SLC25A13: variants seen among roughly 807,000 people sequenced by gnomAD.
SLC25A13 encodes the protein solute carrier family 25 member 13.
In SLC25A13, 70 loss-of-function variants were observed where a neutral mutation model predicts 85.5. The ratio of observed to expected loss-of-function variants is 0.82; its 90% CI spans 0.68 to 1.00. The LOEUF (loss-of-function observed/expected upper bound fraction) is 1.00. SLC25A13 is among the 50% of genes least tolerant of loss of function. The probability of loss-of-function intolerance (pLI) is 0.00; values close to 1 mark genes in which losing one functional copy is unlikely to be tolerated. For missense variants in SLC25A13, 765 were observed against 819.8 expected (o/e 0.93, Z 0.82); for synonymous variants, 259 against 288.7 (o/e 0.90, Z 1.04).
At chr7:96,194,299 A>G (rs986874484) in intron 5 of SLC25A13, among the ~76,000 whole-genome samples, 1 of 150,504 alleles carries the variant, frequency 6.6e-6, no homozygotes, top group Admixed American at 6.6e-5. Context: ...GAAATTTGCC[A>G]GGCATGGAGG....
Position 96,146,704 on chromosome 7 carries a change from G to T in SLC25A13, c.1312-8C>A. The T allele has an allele frequency of 6.2e-7, 1 of 1,613,862 alleles. No individual in the cohort carries two copies. Among genetic ancestry groups the T allele is most frequent in the Non-Finnish European group, 8.5e-7 (1 of 1,179,898 alleles). ...CACCTGGGAGCCTCCAGCCTAAAAA[G>T]AACAAAAAAGATTTAGGATCAAAGC... On this transcript the variant is annotated splice_polypyrimidine_tract_variant and splice_region_variant and intron_variant, in intron 13 of 17. Coordinates refer to ENST00000265631, the MANE Select transcript of SLC25A13 (RefSeq NM_014251.3).
intron 3 of SLC25A13, among the ~76,000 whole-genome samples, chr7:96,267,213 C>A (rs1190292045): frequency 6.6e-6 from 1 of 152,160 alleles, no homozygotes; most frequent in Non-Finnish European, 1.5e-5. Flanking sequence ...TAACTCCCAG[C>A]ATGTGGCCAA....
chr7:96,317,859 T>C (rs1800190602), intron 1 of SLC25A13, among the ~76,000 whole-genome samples: 1 of 150,888 alleles, frequency 6.6e-6, no homozygotes, highest in Non-Finnish European at 1.5e-5. Context: ...TGGAGTACAG[T>C]GGTGCTATCT....
chr7:96,313,800 A>G (rs907759374), intron 1 of SLC25A13, among the ~76,000 whole-genome samples: 2 of 151,932 alleles, frequency 1.3e-5, no homozygotes, highest in Middle Eastern at 3.2e-3. Context: ...CATTTAAAAA[A>G]AAAGAAAGTA....
intron 5 of SLC25A13, among the ~76,000 whole-genome samples, chr7:96,204,361 G>C (rs375061182): frequency 6.6e-6 from 1 of 151,978 alleles, no homozygotes; most frequent in Non-Finnish European, 1.5e-5. Context: ...AAGTGCCTAC[G>C]ACAGTCACCC....
chr7:96,226,217 T>G (rs1796323421), intron 4 of SLC25A13, among the ~76,000 whole-genome samples: 1 of 152,174 alleles, frequency 6.6e-6, no homozygotes, highest in Non-Finnish European at 1.5e-5. Context: ...CACCACTCTT[T>G]GATTCTATGA....
Position 96,131,886 on chromosome 7 carries a change from A to G in SLC25A13, c.1453-5T>C, listed in dbSNP as rs1339556280. On this transcript the variant is annotated splice_polypyrimidine_tract_variant and splice_region_variant and intron_variant, in intron 14 of 17. Coordinates refer to ENST00000265631, the MANE Select transcript of SLC25A13 (RefSeq NM_014251.3). ...CAGAAAGCATGCTTTGGCACCCTGCACATTTGCAAAGGAAGAAAAACCACA... is the reference window on the plus strand; with the variant it reads ...CAGAAAGCATGCTTTGGCACCCTGCGCATTTGCAAAGGAAGAAAAACCACA... The G allele has an allele frequency of 4.3e-6, 7 of 1,613,902 alleles. No homozygotes were observed. Among genetic ancestry groups the G allele is most frequent in the Non-Finnish European group, 5.1e-6 (6 of 1,179,930 alleles).
chr7:96,139,978 AGACGGAG>A, intron 14 of SLC25A13, among the ~76,000 whole-genome samples: 1 of 48,086 alleles, frequency 2.1e-5, no homozygotes, highest in Non-Finnish European at 3.7e-5. Context: ...TTTTTTTTTG[AGACGGAG>A]TCTCGCTCTG....
intron 3 of SLC25A13, among the ~76,000 whole-genome samples, chr7:96,235,521 T>C (rs1000744178): frequency 2.0e-5 from 3 of 152,120 alleles, no homozygotes; most frequent in Non-Finnish European, 4.4e-5. Context: ...AGAACTAGTA[T>C]GGTAATAAAA....
intron 11 of SLC25A13, among the ~76,000 whole-genome samples, chr7:96,179,635 C>A (rs924745048): frequency 7.9e-5 from 12 of 152,298 alleles, no homozygotes; most frequent in African/African-American, 2.6e-4. Context: ...AAATACATGT[C>A]TTCTGATATT....
intron 13 of SLC25A13, 80 bp from the exon 14 acceptor site, chr7:96,146,776 A>C (rs1297471684): frequency 1.9e-5 from 28 of 1,487,052 alleles, no homozygotes; most frequent in Non-Finnish European, 2.4e-5. Context: ...ATTATTCTCA[A>C]GGATAAAAAT....
intron 13 of SLC25A13, among the ~76,000 whole-genome samples, chr7:96,156,129 C>T (rs1305430954): frequency 1.3e-5 from 2 of 152,132 alleles, no homozygotes; most frequent in African/African-American, 2.4e-5. Flanking sequence ...CCAATGGATT[C>T]AGTGACATTA....
intron 15 of SLC25A13, among the ~76,000 whole-genome samples, chr7:96,123,443 A>G (rs1319655975): frequency 6.6e-6 from 1 of 152,198 alleles, no homozygotes; most frequent in African/African-American, 2.4e-5. Context: ...ACTGTGAAAG[A>G]CATACAAGCA....
chr7:96,287,671 C>G (rs1388920482), intron 2 of SLC25A13, among the ~76,000 whole-genome samples: 1 of 152,146 alleles, frequency 6.6e-6, no homozygotes, highest in Non-Finnish European at 1.5e-5. Context: ...GTGGACACAG[C>G]CTTTAAGTGG....
chr7:96,251,717 T>C lies in SLC25A13; in HGVS notation c.213-16800A>G, dbSNP rs578088486. On this transcript the variant is annotated intron_variant, in intron 3 of 17. Coordinates refer to ENST00000265631, the MANE Select transcript of SLC25A13 (RefSeq NM_014251.3). ...TTGAGTCGTACTATTTTCTTTTCTA[T>C]TTTTTTGCTTTACTTAATAAACTGT... 6.6e-5 allele frequency among the ~76,000 whole-genome samples: 10 copies of C among 152,328 alleles called. No homozygotes were observed. In the Middle Eastern group the frequency reaches 0.01, roughly 155 times the overall value.
chr7:96,258,613 C>G, intron 3 of SLC25A13, among the ~76,000 whole-genome samples: 1 of 152,168 alleles, frequency 6.6e-6, no homozygotes, highest in Admixed American at 6.5e-5. Flanking sequence ...TAGGAAGAAT[C>G]AATATCGTGA....
rs748822378 is a variant in SLC25A13, at chr7:96,121,136, A to C, written c.*55T>G. 4 of 1,570,452 alleles carry C rather than the reference A, an allele frequency of 2.5e-6. No homozygotes were observed. In the South Asian group the frequency reaches 4.4e-5, roughly 17 times the overall value. ...AAGCATTGCTTCATTCCCAGGAGGG[A>C]TGTTCTTTACTGCAGTACCCACAAA... On this transcript the variant is annotated 3_prime_UTR_variant, in exon 18 of 18. Coordinates refer to ENST00000265631, the MANE Select transcript of SLC25A13 (RefSeq NM_014251.3).
At chr7:96,312,782 G>A (rs1251052265) in intron 1 of SLC25A13, among the ~76,000 whole-genome samples, 3 of 152,164 alleles carry the variant, frequency 2.0e-5, no homozygotes, top group Non-Finnish European at 4.4e-5. Context: ...GGAAGGTGTA[G>A]GGATGAGATC....
Position 96,124,720 on chromosome 7 carries a change from G to T in SLC25A13, c.1592-2723C>A, listed in dbSNP as rs1000728313. 3.9e-5 allele frequency among the ~76,000 whole-genome samples: 6 copies of T among 151,982 alleles called. No homozygotes were observed. The East Asian group carries it at 1.2e-3, about 29-fold the overall frequency. Reference sequence around the variant, plus strand: ...TCTTAAAGTGTTTGTTATTACTAGGGGTACTGAATTCATTTACAGTGCTTG... The same window carrying T: ...TCTTAAAGTGTTTGTTATTACTAGGTGTACTGAATTCATTTACAGTGCTTG... On this transcript the variant is annotated intron_variant, in intron 15 of 17. Coordinates refer to ENST00000265631, the MANE Select transcript of SLC25A13 (RefSeq NM_014251.3).
Sources: gnomAD v4.1 joint callset for allele counts (sites outside exome capture counted in the v4.1 genomes callset) on GRCh38, gnomAD v4.1.1 for gene constraint, MANE v1.5 for transcripts, NCBI Gene and HGNC (gene_info 2026-07-23, HGNC 2026-07-21) for gene names.